The following DPP10 variants were observed in gnomAD, a reference collection of about 807,000 sequenced individuals.
The protein encoded by DPP10 is dipeptidyl peptidase like 10, also known as inactive dipeptidyl peptidase 10.
DPP10 carries 33 observed loss-of-function variants against 120.9 expected under a neutral mutation model. The observed-to-expected ratio is 0.27, with a 90% CI of 0.21 to 0.37. The LOEUF is 0.37. Ranked by LOEUF, DPP10 falls within the 10% of genes least tolerant of loss-of-function variation. The probability of loss-of-function intolerance (pLI) is 1.00; values close to 1 mark genes in which losing one functional copy is unlikely to be tolerated. For synonymous variants in DPP10, 337 were observed against 326.1 expected, an observed-to-expected ratio of 1.03 and a Z score of -0.36; for missense variants, 816 against 942.8, an observed-to-expected ratio of 0.87 and a Z score of 1.76.
intron 1 of DPP10, among the ~76,000 whole-genome samples, chr2:114,606,543 T>C (rs1558926735): frequency 1.3e-5 from 2 of 152,152 alleles, no homozygotes; most frequent in Non-Finnish European, 2.9e-5. Context: ...AGAAGTCTCT[T>C]ATTCACAGTC....
intron 1 of DPP10, among the ~76,000 whole-genome samples, chr2:115,221,905 C>T (rs1354943641): frequency 6.6e-6 from 1 of 152,000 alleles, no homozygotes; most frequent in African/African-American, 2.4e-5. Context: ...AAAGGATTGC[C>T]TGAACTGTTC....
At chr2:115,374,424 A>G (rs1304947482) in intron 3 of DPP10, among the ~76,000 whole-genome samples, 3 of 152,214 alleles carry the variant, frequency 2.0e-5, no homozygotes, top group Admixed American at 1.3e-4. Flanking sequence ...GGCTGCTTTC[A>G]TAGGCTGGCA....
At chr2:115,643,522 T>G (rs1486175923) in intron 5 of DPP10, among the ~76,000 whole-genome samples, 1 of 152,086 alleles carries the variant, frequency 6.6e-6, no homozygotes, top group Non-Finnish European at 1.5e-5. Context: ...TATAATAGAT[T>G]AAAACAAAAG....
At position 115,133,139 on chromosome 2, in the gene DPP10, GTGTGTGTATATATATATATATATATA is replaced by G. The variant is rs2050451476; in HGVS notation, c.61-176098_61-176073del. Among the ~76,000 whole-genome samples the G allele has an allele frequency of 7.4e-5, 5 of 67,290 alleles. No individual in the cohort carries two copies. In the South Asian group the frequency reaches 2.1e-3, roughly 29 times the overall value. 44.1% of individuals were successfully genotyped at this position (67,290 alleles called of 152,430 possible). ...TATGTGTGTGTGTGTGTGTGTGTGT[GTGTGTGTATATATATATATATATATA>G]TATATATATATAGTTTTTTTTTTTT... is the stretch of plus-strand genomic sequence containing the variant. On this transcript the variant is annotated intron_variant, in intron 1 of 25. Transcript: ENST00000410059.
chr2:115,650,800 AGAG>A (rs1303376709), intron 5 of DPP10, among the ~76,000 whole-genome samples: 1 of 151,914 alleles, frequency 6.6e-6, no homozygotes, highest in East Asian at 1.9e-4. Context: ...TGAAGGAGAA[AGAG>A]GAGGAGGAGG....
chr2:115,591,607 CT>C (rs2082668955), intron 5 of DPP10, among the ~76,000 whole-genome samples: 4 of 152,102 alleles, frequency 2.6e-5, no homozygotes, highest in South Asian at 2.1e-4. Flanking sequence ...CAGCTTTGTT[CT>C]TTTGGCTTAG....
At position 115,539,600 on chromosome 2, in the gene DPP10, A is replaced by C. The variant is rs181234420; in HGVS notation, c.441+13628A>C. Among the ~76,000 whole-genome samples, 193 of 152,100 alleles carry C rather than the reference A, an allele frequency of 1.3e-3. 2 individuals carry two copies. Among genetic ancestry groups the C allele is most frequent in the African/African-American group, 4.6e-3 (190 of 41,556 alleles). On this transcript the variant is annotated intron_variant, in intron 5 of 25. Transcript: ENST00000410059. ...TTACTTCTGAAATACATCATACCAT[A>C]AACACAGGAAAAAAGAGATGTGACT...
At chr2:115,519,800 T>A (rs1006043155) in intron 4 of DPP10, among the ~76,000 whole-genome samples, 1 of 152,172 alleles carries the variant, frequency 6.6e-6, no homozygotes. Flanking sequence ...CCTCCACTTA[T>A]GGTCCACTGG....
chr2:114,782,328 A>AATAT lies in DPP10; in HGVS notation c.60+339505_60+339508dup, dbSNP rs3036347. Reference sequence around the variant, plus strand: ...GTCTTACCTCCAGTGAAACCTGTGGAATATATATATATATATATGGAATAT... The same window carrying AATAT: ...GTCTTACCTCCAGTGAAACCTGTGGAATATATATATATATATATATATGGAATAT... On this transcript the variant is annotated intron_variant, in intron 1 of 25. Coordinates refer to ENST00000410059, the MANE Select transcript of DPP10 (RefSeq NM_020868.6). Among the ~76,000 whole-genome samples, 124 of 148,634 alleles carry AATAT rather than the reference A, an allele frequency of 8.3e-4. 1 individual carries two copies. The highest frequency in any genetic ancestry group is 2.7e-3 in the African/African-American group (109 of 40,648).
intron 5 of DPP10, among the ~76,000 whole-genome samples, chr2:115,573,230 T>G (rs2081440723): frequency 6.6e-6 from 1 of 151,512 alleles, no homozygotes; most frequent in Admixed American, 6.6e-5. Context: ...GCTGAAGTAC[T>G]AGCCCTGCAG....
chr2:114,847,726 T>C (rs942194522), intron 1 of DPP10, among the ~76,000 whole-genome samples: 2 of 152,168 alleles, frequency 1.3e-5, no homozygotes, highest in African/African-American at 4.8e-5. Context: ...TTTATCTGCA[T>C]AAAAGTTATC....
chr2:114,580,993 A>G (rs1017420415), intron 1 of DPP10, among the ~76,000 whole-genome samples: 3 of 151,908 alleles, frequency 2.0e-5, no homozygotes, highest in African/African-American at 7.3e-5. Flanking sequence ...GGACCAAAAG[A>G]TTACCAGGTT....
chr2:115,770,131 C>T (rs1182137374), intron 13 of DPP10, among the ~76,000 whole-genome samples: 3 of 152,028 alleles, frequency 2.0e-5, no homozygotes, highest in Admixed American at 6.6e-5. Flanking sequence ...ATTCTATCTA[C>T]CTATATTTTT....
At chr2:115,115,508 A>G (rs938520939) in intron 1 of DPP10, among the ~76,000 whole-genome samples, 8 of 152,116 alleles carry the variant, frequency 5.3e-5, no homozygotes, top group African/African-American at 1.7e-4. Flanking sequence ...CCACACACCA[A>G]TTTGCTTAAA....
chr2:114,785,224 G>A (rs1208584512), intron 1 of DPP10, among the ~76,000 whole-genome samples: 5 of 151,102 alleles, frequency 3.3e-5, no homozygotes, highest in African/African-American at 1.2e-4. Context: ...TGGCAGAGGC[G>A]ATGAGAATAG....
At chr2:115,606,217 G>A (rs1199332388) in intron 5 of DPP10, among the ~76,000 whole-genome samples, 3 of 152,226 alleles carry the variant, frequency 2.0e-5, no homozygotes, top group East Asian at 1.9e-4. Context: ...TTGAGGTGGA[G>A]TCTTAATTCT....
chr2:115,368,331 C>T (rs1574581022), intron 3 of DPP10, among the ~76,000 whole-genome samples: 1 of 151,990 alleles, frequency 6.6e-6, no homozygotes, highest in East Asian at 1.9e-4. Context: ...TCCAGGGAGT[C>T]CAGGAGCACA....
At chr2:114,571,011 G>A (rs1689600627) in intron 1 of DPP10, among the ~76,000 whole-genome samples, 1 of 152,026 alleles carries the variant, frequency 6.6e-6, no homozygotes, top group Non-Finnish European at 1.5e-5. Flanking sequence ...ACGGCTTCCA[G>A]GGACTCATCT....
intron 1 of DPP10, among the ~76,000 whole-genome samples, chr2:114,804,009 C>T (rs1038949129): frequency 1.3e-5 from 2 of 152,114 alleles, no homozygotes; most frequent in African/African-American, 4.8e-5. Context: ...TCTTATGGGC[C>T]GGGTCCAGGG....
Sources: gnomAD v4.1 joint callset for allele counts (sites outside exome capture counted in the v4.1 genomes callset) on GRCh38, gnomAD v4.1.1 for gene constraint, MANE v1.5 for transcripts, NCBI Gene and HGNC (gene_info 2026-07-23, HGNC 2026-07-21) for gene names.